The following WAPL variants were observed in gnomAD, a reference collection of about 807,000 sequenced individuals.
WAPL encodes the protein wings apart-like protein homolog.
Under a neutral mutation model 121.0 loss-of-function variants are expected in WAPL, and 5 were observed. The ratio of observed to expected loss-of-function variants is 0.04; its 90% CI spans 0.02 to 0.09. The LOEUF (loss-of-function observed/expected upper bound fraction) is 0.09, where lower values mean the gene tolerates loss of function less well. Ranked by LOEUF, WAPL falls within the 10% of genes least tolerant of loss-of-function variation. WAPL has a pLI of 1.00. For synonymous variants in WAPL, 480 were observed against 481.5 expected (o/e 1.00, Z 0.04); for missense variants, 999 against 1,410.8 (o/e 0.71, Z 4.68).
intron 17 of WAPL, among the ~76,000 whole-genome samples, chr10:86,441,235 A>G (rs1015139156): frequency 3.3e-5 from 5 of 152,170 alleles, no homozygotes; most frequent in African/African-American, 4.8e-5. Context: ...AACACTCACA[A>G]TGATTCTGCT....
At chr10:86,516,358 A>C (rs1842556742) in intron 2 of WAPL, among the ~76,000 whole-genome samples, 1 of 152,260 alleles carries the variant, frequency 6.6e-6, no homozygotes, top group African/African-American at 2.4e-5. Flanking sequence ...CAACATTTTT[A>C]GTAAAACTAT....
intron 4 of WAPL, among the ~76,000 whole-genome samples, chr10:86,475,335 C>G (rs1323934522): frequency 6.6e-6 from 1 of 152,164 alleles, no homozygotes; most frequent in Non-Finnish European, 1.5e-5. Flanking sequence ...TAGAGATTTT[C>G]TCTTATGAAA....
intron 15 of WAPL, among the ~76,000 whole-genome samples, chr10:86,446,950 T>C (rs1266667736): frequency 1.3e-5 from 2 of 152,158 alleles, no homozygotes; most frequent in African/African-American, 2.4e-5. Flanking sequence ...GTATACAAAC[T>C]TCAAAGAGAG....
chr10:86,466,273 C>A (rs940537873), intron 9 of WAPL, among the ~76,000 whole-genome samples: 2 of 152,164 alleles, frequency 1.3e-5, no homozygotes, highest in African/African-American at 2.4e-5. Flanking sequence ...GATGCTTGCT[C>A]ATTGAAAAGG....
rs1849311000 is a variant in WAPL at position 86,435,985 on chromosome 10, A to G, written c.*1558T>C. The G allele has an allele frequency of 1.3e-5, 2 of 152,414 alleles. No individual in the cohort carries two copies. The highest frequency in any genetic ancestry group is 4.1e-4 in the South Asian group (2 of 4,836). 9.4% of individuals were successfully genotyped at this position (152,414 alleles called of 1,614,324 possible). Reference sequence around the variant, plus strand: ...ACAATCTCAATGGTTCCCACGTTACACTGGCGTACTATGTTCTTAAAAGGT... The same window carrying G: ...ACAATCTCAATGGTTCCCACGTTACGCTGGCGTACTATGTTCTTAAAAGGT... On this transcript the variant is annotated 3_prime_UTR_variant, in exon 19 of 19. Coordinates refer to ENST00000298767, the MANE Select transcript of WAPL (RefSeq NM_015045.5).
chr10:86,464,939 T>C (rs1393092300), intron 9 of WAPL, among the ~76,000 whole-genome samples: 1 of 152,252 alleles, frequency 6.6e-6, no homozygotes, highest in African/African-American at 2.4e-5. Flanking sequence ...AACACCTCTC[T>C]CCACAATCTT....
At chr10:86,468,153 ATGTGTG>A (rs934994772) in intron 8 of WAPL, among the ~76,000 whole-genome samples, 1 of 152,088 alleles carries the variant, frequency 6.6e-6, no homozygotes, top group Non-Finnish European at 1.5e-5. Context: ...TTTTGCAGAT[ATGTGTG>A]TGTGAGTATA....
At chr10:86,505,300 C>CTTTTTTTTTTTTTT (rs531404303) in intron 2 of WAPL, among the ~76,000 whole-genome samples, 1,114 of 44,662 alleles carry the variant, frequency 0.025, 160 homozygotes, top group Non-Finnish European at 0.034. Flanking sequence ...GTGCCCAACT[C>CTTTTTTTTTTTTTT]TTTTTTTTTT....
intron 4 of WAPL, among the ~76,000 whole-genome samples, chr10:86,479,841 A>T (rs1057055960): frequency 5.9e-5 from 9 of 152,186 alleles, no homozygotes; most frequent in African/African-American, 2.2e-4. Flanking sequence ...TTGGATCTGG[A>T]TTGTCAAAAA....
chr10:86,460,365 G>T, intron 11 of WAPL, 34 bp downstream of exon 11: 1 of 1,548,460 alleles, frequency 6.5e-7, no homozygotes, highest in Non-Finnish European at 8.9e-7. Flanking sequence ...AATTAAGACT[G>T]AATAATTTTT....
At chr10:86,484,874 G>C (rs1460121679) in intron 4 of WAPL, among the ~76,000 whole-genome samples, 2 of 152,172 alleles carry the variant, frequency 1.3e-5, no homozygotes, top group Admixed American at 6.5e-5. Flanking sequence ...TTTGTGTTCT[G>C]TGTGCACAAT....
intron 17 of WAPL, among the ~76,000 whole-genome samples, chr10:86,440,196 T>A (rs1027426979): frequency 5.3e-5 from 8 of 152,072 alleles, no homozygotes; most frequent in African/African-American, 1.9e-4. Context: ...TCAAGAACGA[T>A]TATGTAAGAA....
chr10:86,467,830 C>T (rs960865609), intron 8 of WAPL, among the ~76,000 whole-genome samples: 4 of 151,970 alleles, frequency 2.6e-5, no homozygotes, highest in African/African-American at 4.8e-5. Flanking sequence ...GTGTGTGCCA[C>T]CACGCCCAGC....
At chr10:86,487,754 G>A (rs1175185306) in intron 4 of WAPL, among the ~76,000 whole-genome samples, 6 of 152,134 alleles carry the variant, frequency 3.9e-5, no homozygotes, top group African/African-American at 1.4e-4. Flanking sequence ...AATTAGCCGG[G>A]CATGGTGGTG....
intron 17 of WAPL, 55 bp from the exon 18 acceptor site, chr10:86,438,070 C>T (rs186580010): frequency 7.5e-7 from 1 of 1,331,308 alleles, no homozygotes; most frequent in Non-Finnish European, 1.1e-6. Flanking sequence ...TGAGATTGCA[C>T]CTCGTACAAT....
At chr10:86,502,603 T>C (rs76075387) in intron 2 of WAPL, among the ~76,000 whole-genome samples, 10,486 of 152,230 alleles carry the variant, frequency 0.069, 675 homozygotes, top group East Asian at 0.38. Flanking sequence ...TTTGTAGACA[T>C]AAACACACAA....
chr10:86,514,638 T>C (rs146218393), intron 2 of WAPL, among the ~76,000 whole-genome samples: 241 of 152,292 alleles, frequency 1.6e-3, no homozygotes, highest in African/African-American at 5.5e-3. Flanking sequence ...TTTAGCTACA[T>C]AGACTGGGAA....
Position 86,500,817 on chromosome 10 carries a change from T to A in WAPL, c.500-74A>T, listed in dbSNP as rs918661985. 5.1e-6 allele frequency: 6 copies of A among 1,183,490 alleles called. No individual in the cohort carries two copies. In the Middle Eastern group the frequency reaches 7.7e-4, roughly 153 times the overall value. The allele number at this position is 1,183,490 out of a possible 1,614,324, so 73.3% of individuals were successfully genotyped here. A position where few individuals can be genotyped will look rare whatever the true frequency, so the allele number is the denominator to read the frequency against. ...AGTTAATAAATAACATATATGTGGT[T>A]AATCAATAGTATATGATCAATCTTG... is the stretch of plus-strand genomic sequence containing the variant. On this transcript the variant is annotated intron_variant, in intron 2 of 18. Transcript: ENST00000298767.
intron 4 of WAPL, among the ~76,000 whole-genome samples, chr10:86,493,873 C>T (rs1842098080): frequency 2.0e-5 from 3 of 152,134 alleles, no homozygotes; most frequent in Non-Finnish European, 2.9e-5. Context: ...CATGGTGGCG[C>T]TTGCCTGTAG....
Sources: gnomAD v4.1 joint callset for allele counts (sites outside exome capture counted in the v4.1 genomes callset) on GRCh38, gnomAD v4.1.1 for gene constraint, MANE v1.5 for transcripts, NCBI Gene and HGNC (gene_info 2026-07-23, HGNC 2026-07-21) for gene names.